The following AFAP1 variants were observed in gnomAD, a reference collection of about 807,000 sequenced individuals.
AFAP1 encodes actin filament associated protein 1.
In AFAP1, 75 loss-of-function variants were observed where a neutral mutation model predicts 93.9. The ratio of observed to expected loss-of-function variants is 0.80; its 90% CI spans 0.66 to 0.97. AFAP1 has a LOEUF of 0.97. Among genes scored for constraint, AFAP1 ranks in the 50% least tolerant of loss-of-function variants. The pLI, the probability that AFAP1 is intolerant of heterozygous loss-of-function variation, is 0.00. For synonymous variants in AFAP1, 517 were observed against 430.7 expected, an observed-to-expected ratio of 1.20 and a Z score of -2.48; for missense variants, 1,201 against 1,050.8, an observed-to-expected ratio of 1.14 and a Z score of -1.98.
In AFAP1 at chr4:7,759,298, C is replaced by A. The variant is rs145255135; in HGVS notation, c.*4467G>T. The A allele has an allele frequency of 6.6e-6, 1 of 152,600 alleles. No individual in the cohort carries two copies. The highest frequency in any genetic ancestry group is 2.4e-5 in the African/African-American group (1 of 41,426). The allele number at this position is 152,600 out of a possible 1,614,324, so 9.5% of individuals were successfully genotyped here. A position where few individuals can be genotyped will look rare whatever the true frequency, so the allele number is the denominator to read the frequency against. On this transcript the variant is annotated 3_prime_UTR_variant, in exon 18 of 18. Transcript: ENST00000420658. ...AAAAAGACCCGGTAACACTTGTGCA[C>A]GGTGAAGTTGAGATTTTCTGGAAGA... is the stretch of plus-strand genomic sequence containing the variant.
At chr4:7,858,394 G>T (rs183714221) in intron 3 of AFAP1, among the ~76,000 whole-genome samples, 37 of 152,194 alleles carry the variant, frequency 2.4e-4, no homozygotes, top group Non-Finnish European at 4.6e-4. Flanking sequence ...TACTGCTAAA[G>T]AATCACTCCA....
At chr4:7,864,875 G>A (rs771784321) in intron 3 of AFAP1, among the ~76,000 whole-genome samples, 3 of 152,034 alleles carry the variant, frequency 2.0e-5, no homozygotes, top group Non-Finnish European at 4.4e-5. Context: ...CAGTTTGGGA[G>A]GCCTAGGCAG....
rs377531168 is a variant in AFAP1 at position 7,859,253 on chromosome 4, T to C, written c.226-3679A>G. Among the ~76,000 whole-genome samples the C allele has an allele frequency of 3.5e-3, 532 of 152,272 alleles. 3 individuals carry two copies. Among genetic ancestry groups the C allele is most frequent in the Non-Finnish European group, 6.3e-3 (427 of 68,020 alleles). ...GGCCAACATGATGAAACCCCATCTC[T>C]ACTAAGAATACAAAAATTAGCCGAG... is the stretch of plus-strand genomic sequence containing the variant. On this transcript the variant is annotated intron_variant, in intron 3 of 17. Coordinates refer to ENST00000420658, the MANE Select transcript of AFAP1 (RefSeq NM_001134647.2).
intron 1 of AFAP1, among the ~76,000 whole-genome samples, chr4:7,892,121 G>C (rs1379204242): frequency 6.6e-6 from 1 of 152,220 alleles, no homozygotes; most frequent in Non-Finnish European, 1.5e-5. Context: ...GAAGTTTAGA[G>C]AGGTGAAGAG....
chr4:7,818,528 T>C (rs1720687384), intron 7 of AFAP1, among the ~76,000 whole-genome samples: 1 of 152,080 alleles, frequency 6.6e-6, no homozygotes, highest in East Asian at 1.9e-4. Context: ...CAATATCAGT[T>C]GGATTTAGAC....
intron 17 of AFAP1, among the ~76,000 whole-genome samples, chr4:7,768,118 G>A (rs946293003): frequency 6.6e-6 from 1 of 152,244 alleles, no homozygotes; most frequent in African/African-American, 2.4e-5. Flanking sequence ...AACCCACAGA[G>A]CCGGTACAGG....
intron 1 of AFAP1, among the ~76,000 whole-genome samples, chr4:7,880,108 A>C (rs1717755781): frequency 6.6e-6 from 1 of 152,168 alleles, no homozygotes; most frequent in African/African-American, 2.4e-5. Flanking sequence ...CACTATTTAC[A>C]GAAAATCTCT....
intron 5 of AFAP1, among the ~76,000 whole-genome samples, chr4:7,839,424 T>C (rs1411768376): frequency 6.6e-6 from 1 of 151,854 alleles, no homozygotes; most frequent in African/African-American, 2.4e-5. Context: ...ATATATAAAA[T>C]ACATTTATAT....
At chr4:7,797,613 G>C (rs1221996390) in intron 10 of AFAP1, among the ~76,000 whole-genome samples, 3 of 152,220 alleles carry the variant, frequency 2.0e-5, no homozygotes, top group Non-Finnish European at 4.4e-5. Context: ...GCAGGCTAAA[G>C]AGACGCGGCA....
At chr4:7,812,733 G>T (rs1482605949) in intron 8 of AFAP1, among the ~76,000 whole-genome samples, 1 of 152,184 alleles carries the variant, frequency 6.6e-6, no homozygotes, top group South Asian at 2.1e-4. Flanking sequence ...AAAACCATGA[G>T]TATCATAAAC....
chr4:7,773,449 T>C (rs1362121001), intron 15 of AFAP1: 1 of 168,240 alleles, frequency 5.9e-6, no homozygotes, highest in African/African-American at 2.4e-5. Flanking sequence ...CTACTGGACA[T>C]GGCACACATT....
rs555157121 is a variant in AFAP1, at chr4:7,881,212, G to A, written c.-2-9132C>T. 8.6e-5 allele frequency among the ~76,000 whole-genome samples: 13 copies of A among 152,006 alleles called. No individual in the cohort carries two copies. In the South Asian group the frequency reaches 2.3e-3, roughly 27 times the overall value. On this transcript the variant is annotated intron_variant, in intron 1 of 17. Transcript: ENST00000420658. ...TTTCCTGCTCCCTCTGTACGTCCCC[G>A]CTCCCCTGTCTAGTCTACACCACTC... is the stretch of plus-strand genomic sequence containing the variant.
chr4:7,844,320 G>A (rs1281835639), intron 4 of AFAP1, among the ~76,000 whole-genome samples: 1 of 152,170 alleles, frequency 6.6e-6, no homozygotes, highest in Non-Finnish European at 1.5e-5. Context: ...CCCACCATGT[G>A]AGGACACAGT....
intron 1 of AFAP1, among the ~76,000 whole-genome samples, chr4:7,896,112 C>T (rs1031596569): frequency 5.3e-5 from 8 of 152,018 alleles, no homozygotes; most frequent in African/African-American, 1.7e-4. Context: ...CCGCCCGCCT[C>T]GGCCTCCCAA....
At position 7,759,427 on chromosome 4, in the gene AFAP1, T is replaced by G. The variant is rs915640765; in HGVS notation, c.*4338A>C. 6.6e-6 allele frequency: 1 copy of G among 152,644 alleles called. No homozygotes were observed. Among genetic ancestry groups the G allele is most frequent in the African/African-American group, 2.4e-5 (1 of 41,456 alleles). 9.5% of individuals were successfully genotyped at this position (152,644 alleles called of 1,614,324 possible). A position where few individuals can be genotyped will look rare whatever the true frequency, so the allele number is the denominator to read the frequency against. On this transcript the variant is annotated 3_prime_UTR_variant, in exon 18 of 18. Transcript: ENST00000420658. ...TCTTTTACAGACGCCCTGCTATGGC[T>G]TGGGGACTCACGAATAGAGGTGACT...
rs761226340 is a variant in AFAP1, at chr4:7,809,642, G to A, written c.1026C>T (p.Ser342=). 11 of 1,613,704 alleles carry A rather than the reference G, an allele frequency of 6.8e-6. No homozygotes were observed. In the Admixed American group the frequency reaches 1.7e-4, roughly 24 times the overall value. The change falls in exon 9 of 18, where the codon TCC becomes TCT. Residue 342 remains serine, a synonymous_variant. Transcript: ENST00000420658. ...KKKPSTDEQT[S]SAEEDVPTCG... is the part of the protein sequence containing the mutation. ...AGGTGGGAACATCTTCCTCAGCTGA[G>A]GAGGTCTGCTCGTCTGTGGACGGCT...
At chr4:7,873,242 C>CAAAAAAAAAAAAAAAAAA (rs1195209480) in intron 1 of AFAP1, among the ~76,000 whole-genome samples, 17 of 64,120 alleles carry the variant, frequency 2.7e-4, no homozygotes, top group African/African-American at 1.1e-3. Flanking sequence ...GACTCTGTCT[C>CAAAAAAAAAAAAAAAAAA]AAAAAAAAAA....
At chr4:7,882,581 G>C (rs71601888) in intron 1 of AFAP1, among the ~76,000 whole-genome samples, 17,522 of 152,118 alleles carry the variant, frequency 0.12, 1,172 homozygotes, top group Non-Finnish European at 0.16. Flanking sequence ...GAAATGCAGG[G>C]TGGGTGCGGT....
chr4:7,938,383 G>A (rs563032732), intron 1 of AFAP1, among the ~76,000 whole-genome samples: 1 of 152,198 alleles, frequency 6.6e-6, no homozygotes, highest in African/African-American at 2.4e-5. Context: ...TCTCCTAAAA[G>A]GGGAAAACTG....
Sources: allele counts gnomAD v4.1 joint callset (sites outside exome capture counted in the v4.1 genomes callset), GRCh38; gene constraint gnomAD v4.1.1; transcripts MANE v1.5; gene names NCBI Gene and HGNC (gene_info 2026-07-23, HGNC 2026-07-21).